Variants in VIRMA observed in about 807,000 individuals in gnomAD.
VIRMA encodes vir like m6A methyltransferase associated.
VIRMA carries 65 observed loss-of-function variants against 182.4 expected under a neutral mutation model. The ratio of observed to expected loss-of-function variants is 0.36; its 90% CI spans 0.29 to 0.44. VIRMA has a LOEUF of 0.44. VIRMA is among the 20% of genes least tolerant of loss of function. The pLI, the probability that VIRMA is intolerant of heterozygous loss-of-function variation, is 1.00. For missense variants in VIRMA, 1,752 were observed against 2,158.1 expected, an observed-to-expected ratio of 0.81 and a Z score of 3.73; for synonymous variants, 709 against 743.1, an observed-to-expected ratio of 0.95 and a Z score of 0.75.
intron 1 of VIRMA, among the ~76,000 whole-genome samples, chr8:94,544,577 C>A (rs181432409): frequency 7.0e-5 from 10 of 143,554 alleles, no homozygotes; most frequent in African/African-American, 2.5e-4. Context: ...AGGAGAATGG[C>A]GTGAACCCGG....
intron 8 of VIRMA, among the ~76,000 whole-genome samples, chr8:94,524,973 C>A (rs576161084): frequency 6.6e-6 from 1 of 152,284 alleles, no homozygotes; most frequent in African/African-American, 2.4e-5. Flanking sequence ...TAAATGCATT[C>A]TCTGCCCATC....
intron 17 of VIRMA, chr8:94,497,080 T>C (rs117396806): frequency 6.6e-6 from 1 of 152,268 alleles, no homozygotes; most frequent in East Asian, 1.9e-4. Context: ...TACCTAAACA[T>C]TGTATAAAAT....
intron 4 of VIRMA, among the ~76,000 whole-genome samples, chr8:94,535,993 A>C (rs2130372459): frequency 6.6e-6 from 1 of 152,324 alleles, no homozygotes; most frequent in East Asian, 1.9e-4. Flanking sequence ...TTCCCTTTTA[A>C]GAAATAAGAA....
At chr8:94,524,940 C>CTAT (rs1586093251) in intron 8 of VIRMA, among the ~76,000 whole-genome samples, 2 of 152,194 alleles carry the variant, frequency 1.3e-5, no homozygotes, top group East Asian at 3.9e-4. Context: ...TTTTGTCTTT[C>CTAT]TATTCCTTCT....
At chr8:94,493,029 G>A (rs1463157398) in intron 20 of VIRMA, among the ~76,000 whole-genome samples, 1 of 152,090 alleles carries the variant, frequency 6.6e-6, no homozygotes, top group Non-Finnish European at 1.5e-5. Flanking sequence ...CTTTTTTTGT[G>A]TGTGGCATTC....
rs769228138 is a variant in VIRMA at position 94,536,708 on chromosome 8, G to A, written c.315+395C>T. On this transcript the variant is annotated intron_variant, in intron 4 of 23. Coordinates refer to ENST00000297591, the MANE Select transcript of VIRMA (RefSeq NM_015496.5). ...AGATATGACACTCTGAGCTGGGCGC[G>A]GTGGCTCACGCCTGTAATCCTAGCA... Among the ~76,000 whole-genome samples, 16 of 152,232 alleles carry A rather than the reference G, an allele frequency of 1.1e-4. No individual in the cohort carries two copies. The East Asian group carries it at 1.9e-3, about 18-fold the overall frequency.
At chr8:94,515,077 G>A in intron 10 of VIRMA, 126 bp from the exon 11 acceptor site, 2 of 500,966 alleles carry the variant, frequency 4.0e-6, no homozygotes, top group Non-Finnish European at 7.0e-6. Context: ...ACTTCATGCA[G>A]GGATGGACAT....
At position 94,488,663 on chromosome 8, in the gene VIRMA, C is replaced by G; in HGVS notation, c.*43G>C. On this transcript the variant is annotated 3_prime_UTR_variant, in exon 24 of 24. Coordinates refer to ENST00000297591, the MANE Select transcript of VIRMA (RefSeq NM_015496.5). ...TTCAATGTCTTATTTTTATTGTCCT[C>G]GTGAAATGTTCATATACAGTTAAGA... 1 of 1,580,320 alleles carries G rather than the reference C, an allele frequency of 6.3e-7. No homozygotes were observed. Among genetic ancestry groups the G allele is most frequent in the African/African-American group, 1.3e-5 (1 of 74,490 alleles).
At chr8:94,512,364 C>A (rs1421674811) in intron 11 of VIRMA, 1 of 174,776 alleles carries the variant, frequency 5.7e-6, no homozygotes, top group Non-Finnish European at 1.2e-5. Context: ...TCAACTAGAA[C>A]AAAGATAACA....
At chr8:94,536,072 C>G (rs1000203134) in intron 4 of VIRMA, among the ~76,000 whole-genome samples, 17 of 152,148 alleles carry the variant, frequency 1.1e-4, no homozygotes, top group Non-Finnish European at 1.2e-4. Flanking sequence ...CTCTTTCCAC[C>G]CCACCATATT....
At chr8:94,528,496 C>T (rs1815050228) in intron 7 of VIRMA, among the ~76,000 whole-genome samples, 1 of 152,142 alleles carries the variant, frequency 6.6e-6, no homozygotes, top group Admixed American at 6.6e-5. Flanking sequence ...ACATTAAATG[C>T]CATTTCTTGG....
At chr8:94,548,909 A>G (rs183913756) in intron 1 of VIRMA, among the ~76,000 whole-genome samples, 2 of 152,070 alleles carry the variant, frequency 1.3e-5, no homozygotes, top group African/African-American at 4.8e-5. Context: ...CCCCTGCCTC[A>G]GCCTCCCAAA....
intron 1 of VIRMA, among the ~76,000 whole-genome samples, chr8:94,551,886 A>G (rs1815999246): frequency 6.6e-6 from 1 of 152,080 alleles, no homozygotes; most frequent in African/African-American, 2.4e-5. Flanking sequence ...CACCACAACT[A>G]GTTAATTTTC....
chr8:94,492,337 G>A lies in VIRMA; in HGVS notation c.4808+315C>T, dbSNP rs778715882. Among the ~76,000 whole-genome samples, 221 of 149,568 alleles carry A rather than the reference G, an allele frequency of 1.5e-3. 7 individuals carry two copies. Among genetic ancestry groups the A allele is most frequent in the Middle Eastern group, 3.5e-3 (1 of 286 alleles). ...CTTGCTCTGTCGCCCAGGCTGCAGC[G>A]CAGTGGCGTGATCTCGGCTCAATGC... On this transcript the variant is annotated intron_variant, in intron 21 of 23. Transcript: ENST00000297591.
Position 94,526,974 on chromosome 8 carries a change from T to C in VIRMA, c.1270A>G (p.Lys424Glu), listed in dbSNP as rs1814993645. 6.2e-7 allele frequency: 1 copy of C among 1,614,230 alleles called. No homozygotes were observed. The highest frequency in any genetic ancestry group is 8.5e-7 in the Non-Finnish European group (1 of 1,180,044). The change falls in exon 8 of 24, where the codon AAA becomes GAA. Residue 424 changes from lysine to glutamate, a missense_variant. Lys to Glu is a moderately conservative substitution (Grantham distance 56, BLOSUM62 1). Around this residue, in one of 11 missense-constraint regions of VIRMA, gnomAD observed 401 missense variants for 455.1 expected, o/e 0.88. Coordinates refer to ENST00000297591, the MANE Select transcript of VIRMA (RefSeq NM_015496.5). ...ACCAACTGGCCAAGGGAGTCTTGTT[T>C]TGTGTTTTTCAATTGCAAATAGCTT... ...GLSYLQLKNT[K>E]QDSLGQLVDW...
At chr8:94,509,057 T>C (rs753957062) in intron 15 of VIRMA, among the ~76,000 whole-genome samples, 3 of 152,186 alleles carry the variant, frequency 2.0e-5, no homozygotes, top group Non-Finnish European at 4.4e-5. Context: ...CCTTCAAAGA[T>C]TGCCCCAACA....
Position 94,537,466 on chromosome 8 carries a change from C to T in VIRMA, c.267-315G>A, listed in dbSNP as rs1235969939. Among the ~76,000 whole-genome samples the T allele has an allele frequency of 5.9e-5, 9 of 152,020 alleles. No individual in the cohort carries two copies. In the East Asian group the frequency reaches 1.7e-3, roughly 29 times the overall value. On this transcript the variant is annotated intron_variant, in intron 3 of 23. Transcript: ENST00000297591. ...GTCATACAAAAATGTAGACTACAAC[C>T]AAAATTTAAGAAAAGCACCTGTTTT...
chr8:94,515,907 C>G (rs779410788), intron 10 of VIRMA, among the ~76,000 whole-genome samples: 26 of 151,590 alleles, frequency 1.7e-4, no homozygotes, highest in Non-Finnish European at 3.4e-4. Context: ...ACCATCCTGG[C>G]CAGCATGGTG....
Position 94,511,430 on chromosome 8 carries a change from G to C in VIRMA, c.3145C>G (p.Leu1049Val), listed in dbSNP as rs756868424. The stretch of plus-strand genomic sequence containing the variant: ...TCATCACTATCCAAACGACCTGAGA[G>C]GGGGATAGAGCACAGGAGCATATGT... Reference protein sequence around the residue: ...TLHMLLCSIPLSGRLDSDEQK... With the variant: ...TLHMLLCSIPVSGRLDSDEQK... The change falls in exon 13 of 24, where the codon CTC (leucine) becomes GTC (valine). Residue 1049 changes from leucine to valine, a missense_variant. Coordinates refer to ENST00000297591, the MANE Select transcript of VIRMA (RefSeq NM_015496.5). 37 of 1,614,036 alleles carry C rather than the reference G, an allele frequency of 2.3e-5. No individual in the cohort carries two copies. Among genetic ancestry groups the C allele is most frequent in the Non-Finnish European group, 3.0e-5 (35 of 1,179,972 alleles).
Sources: allele counts gnomAD v4.1 joint callset (sites outside exome capture counted in the v4.1 genomes callset), GRCh38; gene constraint gnomAD v4.1.1; regional missense constraint gnomAD v4.1.1; transcripts MANE v1.5; gene names NCBI Gene and HGNC (gene_info 2026-07-23, HGNC 2026-07-21).